Variants in RARB observed in about 807,000 individuals in gnomAD.
The protein encoded by RARB is retinoic acid receptor beta.
In RARB, 17 loss-of-function variants were observed where a neutral mutation model predicts 51.9. The ratio of observed to expected loss-of-function variants is 0.33; its 90% CI spans 0.22 to 0.49. RARB has a LOEUF of 0.49. Among genes scored for constraint, RARB ranks in the 20% least tolerant of loss-of-function variants. RARB has a pLI of 0.99. For missense variants in RARB, 369 were observed against 550.8 expected (o/e 0.67, Z 3.30); for synonymous variants, 215 against 195.4 (o/e 1.10, Z -0.84).
At chr3:25,494,250 T>TACACACAC (rs142658742) in intron 2 of RARB, among the ~76,000 whole-genome samples, 63,599 of 136,680 alleles carry the variant, frequency 0.47, 15,199 homozygotes, top group African/African-American at 0.64. Flanking sequence ...AGCTGTATCT[T>TACACACAC]ACGCACACAC....
chr3:25,523,898 G>A (rs935045693), intron 3 of RARB, among the ~76,000 whole-genome samples: 17 of 152,028 alleles, frequency 1.1e-4, no homozygotes, highest in Admixed American at 8.5e-4. Context: ...CATTTTTAGC[G>A]ATAGTAGAAG....
intron 5 of RARB, among the ~76,000 whole-genome samples, chr3:25,420,506 ATCTCCAGT>A: frequency 6.6e-6 from 1 of 152,304 alleles, no homozygotes; most frequent in South Asian, 2.1e-4. Flanking sequence ...TTTAACTGAA[ATCTCCAGT>A]GGCCAATGCC....
At position 25,199,048 on chromosome 3, in the gene RARB, C is replaced by G. The variant is rs115146055; in HGVS notation, c.178+24473C>G. Among the ~76,000 whole-genome samples the G allele has an allele frequency of 6.5e-3, 995 of 152,186 alleles. 8 individuals are homozygous for G. Among genetic ancestry groups the G allele is most frequent in the African/African-American group, 0.021 (892 of 41,518 alleles). On this transcript the variant is annotated intron_variant, in intron 5 of 11. Transcript: ENST00000383772. ...CAAGATTTGGTGGCGACCTAAGTGT[C>G]CATCAGCAGATGAATGGATAAAGGA...
intron 5 of RARB, among the ~76,000 whole-genome samples, chr3:25,266,009 A>G (rs1162558457): frequency 6.6e-6 from 1 of 152,144 alleles, no homozygotes; most frequent in Non-Finnish European, 1.5e-5. Flanking sequence ...CCATTTCTAT[A>G]GTTCTCCCTT....
chr3:25,316,994 A>C (rs1704443637), intron 5 of RARB, among the ~76,000 whole-genome samples: 1 of 146,874 alleles, frequency 6.8e-6, no homozygotes, highest in African/African-American at 2.5e-5. Flanking sequence ...TCCCCTCAGA[A>C]TTTGGTTTAT....
chr3:24,939,596 T>C (rs144340003), intron 2 of RARB, among the ~76,000 whole-genome samples: 2 of 152,322 alleles, frequency 1.3e-5, no homozygotes, highest in East Asian at 3.9e-4. Flanking sequence ...GGTCAAACTT[T>C]GATCAACACC....
chr3:25,060,173 C>T (rs984673588), exon 3 of RARB: 1 of 151,526 alleles, frequency 6.6e-6, no homozygotes, highest in Non-Finnish European at 1.5e-5. Flanking sequence ...AAGACCCATA[C>T]CTGGTAAGTA....
intron 2 of RARB, among the ~76,000 whole-genome samples, chr3:25,028,652 G>A (rs1043614492): frequency 6.6e-6 from 1 of 152,170 alleles, no homozygotes; most frequent in African/African-American, 2.4e-5. Context: ...TGAGGATAAA[G>A]GGTGTTTGTG....
chr3:24,871,441 C>T (rs929524744), intron 2 of RARB, among the ~76,000 whole-genome samples: 3 of 152,286 alleles, frequency 2.0e-5, no homozygotes, highest in Admixed American at 6.5e-5. Flanking sequence ...CATTCCCTCG[C>T]TACCATGTCC....
At chr3:25,224,710 C>T (rs1031701669) in intron 5 of RARB, among the ~76,000 whole-genome samples, 1 of 152,080 alleles carries the variant, frequency 6.6e-6, no homozygotes, top group Non-Finnish European at 1.5e-5. Flanking sequence ...TGGGCTCAAG[C>T]AATCTTCTCA....
chr3:24,919,747 C>T lies in RARB; in HGVS notation c.-380+60995C>T, dbSNP rs770114217. Reference sequence around the variant, plus strand: ...TGTGCTCTTCTAATTCCTTATCTGACTTCTAATTTTATTTTTCTTCATGGT... The same window carrying T: ...TGTGCTCTTCTAATTCCTTATCTGATTTCTAATTTTATTTTTCTTCATGGT... On this transcript the variant is annotated intron_variant, in intron 2 of 11. Transcript: ENST00000383772. Among the ~76,000 whole-genome samples, 178 of 152,304 alleles carry T rather than the reference C, an allele frequency of 1.2e-3. 2 individuals carry two copies. The highest frequency in any genetic ancestry group is 2.9e-4 in the Non-Finnish European group (20 of 68,024).
chr3:25,373,181 G>A (rs1706354442), intron 5 of RARB, among the ~76,000 whole-genome samples: 1 of 152,176 alleles, frequency 6.6e-6, no homozygotes, highest in Non-Finnish European at 1.5e-5. Flanking sequence ...AGGATGCTCG[G>A]AGCTAGAGAT....
intron 1 of RARB, among the ~76,000 whole-genome samples, chr3:25,460,865 T>A (rs1695144571): frequency 6.6e-6 from 1 of 152,232 alleles, no homozygotes; most frequent in South Asian, 2.1e-4. Flanking sequence ...ACTGCTCTGC[T>A]GGTCTTAGTT....
At chr3:25,141,472 C>CA (rs1700106041) in intron 4 of RARB, among the ~76,000 whole-genome samples, 1 of 152,176 alleles carries the variant, frequency 6.6e-6, no homozygotes, top group Non-Finnish European at 1.5e-5. Flanking sequence ...CTGCCAATTT[C>CA]AGAGGGTCTT....
chr3:25,309,181 C>T lies in RARB; in HGVS notation c.178+134606C>T, dbSNP rs112438698. ...TGAGATGGAGTCTTGCTCTGTCACC[C>T]AGGCTGGAGTGCAGTGTGGTGCAAT... is the stretch of plus-strand genomic sequence containing the variant. On this transcript the variant is annotated intron_variant, in intron 5 of 11. Transcript: ENST00000383772. Among the ~76,000 whole-genome samples the T allele has an allele frequency of 2.8e-3, 403 of 144,532 alleles. 6 individuals are homozygous for T. Among genetic ancestry groups the T allele is most frequent in the African/African-American group, 1.0e-2 (385 of 38,586 alleles). The allele number at this position is 144,532 out of a possible 152,430, so 94.8% of individuals were successfully genotyped here.
chr3:24,874,457 C>T (rs1703005824), intron 2 of RARB, among the ~76,000 whole-genome samples: 1 of 151,884 alleles, frequency 6.6e-6, no homozygotes, highest in Non-Finnish European at 1.5e-5. Flanking sequence ...TTATAATGCC[C>T]TTCAGATATT....
At chr3:25,584,970 G>A (rs1452103612) in intron 5 of RARB, among the ~76,000 whole-genome samples, 5 of 137,530 alleles carry the variant, frequency 3.6e-5, no homozygotes, top group African/African-American at 1.3e-4. Context: ...CCACCCCACT[G>A]CACGCAATCC....
intron 4 of RARB, among the ~76,000 whole-genome samples, chr3:25,138,370 T>C (rs1211396233): frequency 6.6e-6 from 1 of 151,350 alleles, no homozygotes; most frequent in Non-Finnish European, 1.5e-5. Context: ...AGGAAAATCC[T>C]GCCAGGTTCT....
In RARB at chr3:25,202,111, A is replaced by C. The variant is rs189890178; in HGVS notation, c.178+27536A>C. 2.3e-3 allele frequency among the ~76,000 whole-genome samples: 352 copies of C among 152,120 alleles called. 3 individuals are homozygous for C. Among genetic ancestry groups the C allele is most frequent in the African/African-American group, 8.1e-3 (334 of 41,482 alleles). On this transcript the variant is annotated intron_variant, in intron 5 of 11. Transcript: ENST00000383772. ...CTATTAATTATTGCCTTAATTTCAG[A>C]TCCTGTTATTGGTCTATTCAGAGAT...
Sources: gnomAD v4.1 joint callset for allele counts (sites outside exome capture counted in the v4.1 genomes callset) on GRCh38, gnomAD v4.1.1 for gene constraint, MANE v1.5 for transcripts, NCBI Gene and HGNC (gene_info 2026-07-23, HGNC 2026-07-21) for gene names.